The following DAAM2 variants were observed in gnomAD, a reference collection of about 807,000 sequenced individuals.
The protein encoded by DAAM2 is dishevelled associated activator of morphogenesis 2.
Under a neutral mutation model 120.7 loss-of-function variants are expected in DAAM2, and 39 were observed. That is an observed-to-expected ratio of 0.32 (90% CI 0.25 to 0.42). The LOEUF is 0.42. Ranked by LOEUF, DAAM2 falls within the 10% of genes least tolerant of loss-of-function variation. DAAM2 has a pLI of 1.00. For missense variants in DAAM2, 1,283 were observed against 1,401.7 expected (o/e 0.92, Z 1.35); for synonymous variants, 488 against 524.9 (o/e 0.93, Z 0.96).
At chr6:39,868,705 G>C in intron 6 of DAAM2, 118 bp from the exon 7 acceptor site, 1 of 720,272 alleles carries the variant, frequency 1.4e-6, no homozygotes. Context: ...GACCTGATTG[G>C]GTGGAGAGAG....
rs113597100 is a variant in DAAM2, at chr6:39,816,865, G to A, written c.-57+24400G>A. On this transcript the variant is annotated intron_variant, in intron 1 of 24. Coordinates refer to ENST00000274867, the MANE Select transcript of DAAM2 (RefSeq NM_001201427.2). ...GTCTCTAGTCCTGTTAACGCTCCCC[G>A]TGTGGCGGGAAACCTCACAGGAACT... is the stretch of plus-strand genomic sequence containing the variant. Among the ~76,000 whole-genome samples, 323 of 152,326 alleles carry A rather than the reference G, an allele frequency of 2.1e-3. 1 individual carries two copies. The highest frequency in any genetic ancestry group is 7.1e-3 in the African/African-American group (295 of 41,572).
chr6:39,856,219 C>T, intron 1 of DAAM2, 28 bp from the exon 2 acceptor site: 1 of 1,348,566 alleles, frequency 7.4e-7, no homozygotes, highest in Non-Finnish European at 9.5e-7. Context: ...GTATGCCTGA[C>T]CACCCTGTGT....
At chr6:39,898,633 A>G (rs2149376860) in intron 21 of DAAM2, among the ~76,000 whole-genome samples, 1 of 152,350 alleles carries the variant, frequency 6.6e-6, no homozygotes, top group Admixed American at 6.5e-5. Flanking sequence ...GCAGCATGAC[A>G]TTTCTGACCT....
chr6:39,866,319 T>C (rs1286995660), intron 5 of DAAM2, among the ~76,000 whole-genome samples: 1 of 152,214 alleles, frequency 6.6e-6, no homozygotes, highest in Non-Finnish European at 1.5e-5. Flanking sequence ...CATATTGTCA[T>C]TGTGGAAATT....
In DAAM2 at chr6:39,807,001, C is replaced by T. The variant is rs1489830838; in HGVS notation, c.-57+14536C>T. 3.9e-5 allele frequency among the ~76,000 whole-genome samples: 6 copies of T among 152,142 alleles called. 1 individual carries two copies. In the South Asian group the frequency reaches 8.3e-4, roughly 21 times the overall value. ...CTGAAGATGCATTTACTGTAAGACCCAGCAATTTCACTCCTAGGTAAGTCC... is the reference window on the plus strand; with the variant it reads ...CTGAAGATGCATTTACTGTAAGACCTAGCAATTTCACTCCTAGGTAAGTCC... On this transcript the variant is annotated intron_variant, in intron 1 of 24. Coordinates refer to ENST00000274867, the MANE Select transcript of DAAM2 (RefSeq NM_001201427.2).
At chr6:39,816,256 A>G (rs1398326375) in intron 1 of DAAM2, among the ~76,000 whole-genome samples, 1 of 152,208 alleles carries the variant, frequency 6.6e-6, no homozygotes. Context: ...CTGAGGTCCC[A>G]CAGTTTGACT....
chr6:39,807,176 T>C (rs1278279960), intron 1 of DAAM2, among the ~76,000 whole-genome samples: 1 of 142,734 alleles, frequency 7.0e-6, no homozygotes, highest in East Asian at 2.2e-4. Flanking sequence ...GGTGGAATAC[T>C]ATAGAACACA....
At chr6:39,900,323 G>A (rs1390683808) in intron 23 of DAAM2, 115 bp downstream of exon 23, 4 of 1,257,080 alleles carry the variant, frequency 3.2e-6, no homozygotes, top group Non-Finnish European at 4.3e-6. Flanking sequence ...ACAGAGCTTT[G>A]AGAGAAAACC....
intron 1 of DAAM2, among the ~76,000 whole-genome samples, chr6:39,835,605 T>C (rs899328179): frequency 6.6e-6 from 1 of 152,228 alleles, no homozygotes; most frequent in Non-Finnish European, 1.5e-5. Context: ...AGTGGCTGAA[T>C]GAATGAACAA....
chr6:39,901,811 A>G lies in DAAM2; in HGVS notation c.2983-2A>G. 1 of 1,526,060 alleles carries G rather than the reference A, an allele frequency of 6.6e-7. No individual in the cohort carries two copies. The allele number at this position is 1,526,060 out of a possible 1,614,324, so 94.5% of individuals were successfully genotyped here. Reference sequence around the variant, plus strand: ...TTCCTATCTTTGGCCCCCCGCCCGCAGCTGAAGGAGCAGAGGGAACGTGAG... The same window carrying G: ...TTCCTATCTTTGGCCCCCCGCCCGCGGCTGAAGGAGCAGAGGGAACGTGAG... On this transcript the variant is annotated splice_acceptor_variant, in intron 24 of 24. Transcript: ENST00000274867. LOFTEE classifies it high-confidence loss of function. The surrounding 1 kb of genome is among the most constrained non-coding windows in gnomAD (Gnocchi z 4.5).
chr6:39,866,778 G>A (rs1764450380), intron 5 of DAAM2, among the ~76,000 whole-genome samples: 1 of 152,152 alleles, frequency 6.6e-6, no homozygotes, highest in Admixed American at 6.6e-5. Flanking sequence ...TGAGATACCT[G>A]GTACAACTGT....
At position 39,901,970 on chromosome 6, in the gene DAAM2, G is replaced by A. The variant is rs369390268; in HGVS notation, c.3140G>A (p.Arg1047His). 72 of 1,612,104 alleles carry A rather than the reference G, an allele frequency of 4.5e-5. No homozygotes were observed. In the East Asian group the frequency reaches 8.9e-4, roughly 20 times the overall value. The part of the protein sequence containing the change: ...DKDLCKLKRS[R>H]KRSGSQALEV... ...GACTTATGCAAGCTCAAGCGCAGCC[G>A]CAAGCGATCAGGGAGCCAGGCCCTG... Residue 1047 changes from arginine (R) to histidine (H), a missense_variant, in exon 25 of 25, where the codon CGC (arginine) becomes CAC (histidine). Physicochemically the swap from Arg to His is conservative, Grantham distance 29 (BLOSUM62 0). This residue lies in a region of DAAM2 where 748 missense variants were observed against 768.6 expected (regional missense o/e 0.97). Transcript: ENST00000274867. The surrounding 1 kb of genome is among the most constrained non-coding windows in gnomAD (Gnocchi z 4.5).
chr6:39,884,632 C>G (rs73734945), intron 15 of DAAM2: 12 of 31,004 alleles, frequency 3.9e-4, no homozygotes, highest in Non-Finnish European at 5.2e-4. Context: ...TGGGGCTGGG[C>G]CTGGGCCTGG....
chr6:39,869,776 T>G (rs1385477617), intron 7 of DAAM2, among the ~76,000 whole-genome samples: 16 of 141,086 alleles, frequency 1.1e-4, no homozygotes, highest in Non-Finnish European at 6.0e-5. Flanking sequence ...TTTTTTTTTT[T>G]TTTTAAAAAC....
intron 2 of DAAM2, among the ~76,000 whole-genome samples, chr6:39,857,202 C>A (rs1764043727): frequency 6.6e-6 from 1 of 152,172 alleles, no homozygotes; most frequent in Non-Finnish European, 1.5e-5. Flanking sequence ...GGTGGTGAGA[C>A]AAAGTCTGCA....
chr6:39,887,652 G>C, intron 16 of DAAM2, 60 bp downstream of exon 16: 2 of 1,141,258 alleles, frequency 1.8e-6, no homozygotes, highest in Admixed American at 1.9e-5. Context: ...GTGGAGGAAC[G>C]GAGTGGTGGC....
chr6:39,823,583 A>T (rs1470953279), intron 1 of DAAM2, among the ~76,000 whole-genome samples: 2 of 152,130 alleles, frequency 1.3e-5, no homozygotes, highest in Non-Finnish European at 2.9e-5. Context: ...GCCTCCCTGG[A>T]ACACTGTGTG....
chr6:39,808,342 C>T (rs1048817859), intron 1 of DAAM2, among the ~76,000 whole-genome samples: 1 of 152,158 alleles, frequency 6.6e-6, no homozygotes, highest in African/African-American at 2.4e-5. Flanking sequence ...ACAGGCTGTC[C>T]TTTTGATAAG....
Position 39,901,697 on chromosome 6 carries a change from A to G in DAAM2, c.2983-116A>G, listed in dbSNP as rs1358425895. ...CCTAGGCAGGAAGAAAGTGGGGCCA[A>G]CAGATACAGGCAGGCAGCATGACCA... On this transcript the variant is annotated intron_variant, in intron 24 of 24. Coordinates refer to ENST00000274867, the MANE Select transcript of DAAM2 (RefSeq NM_001201427.2). This position sits in a 1 kb window ranked among gnomAD's most constrained non-coding sequence, Gnocchi z 4.5. 4 of 1,082,364 alleles carry G rather than the reference A, an allele frequency of 3.7e-6. No homozygotes were observed. Among genetic ancestry groups the G allele is most frequent in the Non-Finnish European group, 3.9e-6 (3 of 776,654 alleles). 67.0% of individuals were successfully genotyped at this position (1,082,364 alleles called of 1,614,324 possible). A position where few individuals can be genotyped will look rare whatever the true frequency, so the allele number is the denominator to read the frequency against.
Sources: allele counts gnomAD v4.1 joint callset (sites outside exome capture counted in the v4.1 genomes callset), GRCh38; gene constraint gnomAD v4.1.1; regional missense constraint gnomAD v4.1.1; non-coding constraint Gnocchi (gnomAD v3.1); transcripts MANE v1.5; gene names NCBI Gene and HGNC (gene_info 2026-07-23, HGNC 2026-07-21).